TMCC2: variants seen among roughly 807,000 people sequenced by gnomAD.
TMCC2 encodes transmembrane and coiled-coil domains protein 2.
In TMCC2, 16 loss-of-function variants were observed where a neutral mutation model predicts 49.4. That is an observed-to-expected ratio of 0.32 (90% CI 0.22 to 0.49). TMCC2 has a LOEUF of 0.49. Ranked by LOEUF, TMCC2 falls within the 20% of genes least tolerant of loss-of-function variation. The probability of loss-of-function intolerance (pLI) is 0.99; values close to 1 mark genes in which losing one functional copy is unlikely to be tolerated. For missense variants in TMCC2, 762 were observed against 989.8 expected, an observed-to-expected ratio of 0.77 and a Z score of 3.09; for synonymous variants, 397 against 434.1, an observed-to-expected ratio of 0.91 and a Z score of 1.06.
chr1:205,269,963 T>G, intron 3 of TMCC2, 79 bp downstream of exon 3: 1 of 1,423,590 alleles, frequency 7.0e-7, no homozygotes, highest in Non-Finnish European at 9.6e-7. Context: ...AGACCCAGGG[T>G]GTGGAGGCAG....
intron 1 of TMCC2, chr1:205,236,377 T>G (rs972850360): frequency 6.6e-6 from 1 of 152,236 alleles, no homozygotes; most frequent in Non-Finnish European, 1.5e-5. Flanking sequence ...TTGGAGCATT[T>G]GAAATCTTTG....
intron 2 of TMCC2, chr1:205,246,814 C>A: frequency 9.6e-7 from 1 of 1,044,016 alleles, no homozygotes; most frequent in Non-Finnish European, 1.4e-6. Context: ...TTGCCTAGGG[C>A]TCCCATGAAG....
At chr1:205,237,982 C>T (rs994534877) in intron 1 of TMCC2, among the ~76,000 whole-genome samples, 4 of 152,276 alleles carry the variant, frequency 2.6e-5, no homozygotes, top group African/African-American at 7.2e-5. Context: ...TCATGAAAGC[C>T]CTGTTTGTTT....
chr1:205,230,080 T>G, intron 1 of TMCC2: 1 of 985,490 alleles, frequency 1.0e-6, no homozygotes, highest in Non-Finnish European at 1.2e-6. Context: ...CTATATCCTA[T>G]GGCAGCAGCC....
intron 2 of TMCC2, chr1:205,268,121 A>G: frequency 1.0e-6 from 1 of 976,292 alleles, no homozygotes; most frequent in East Asian, 1.1e-4. Context: ...CTGCGTTGTT[A>G]GTGAACATGG....
chr1:205,229,555 G>C (rs1233229716), intron 1 of TMCC2: 5 of 696,570 alleles, frequency 7.2e-6, no homozygotes, highest in Non-Finnish European at 8.6e-6. Context: ...CGGGGGGGGG[G>C]GGGTGGTGGC....
rs1661504625 is a variant in TMCC2 at position 205,269,732 on chromosome 1, T to C, written c.1530T>C (p.Tyr510=). Residue 510 remains tyrosine (Y), a synonymous_variant, in exon 3 of 5, where the codon TAT becomes TAC. Coordinates refer to ENST00000358024, the MANE Select transcript of TMCC2 (RefSeq NM_014858.4). ...GGAGCCCTAAGTCCAATGCACTGTA[T>C]GGTGCTCCTGGAAACCTGGATGCTC... The part of the protein sequence containing the change: ...ALGSPKSNAL[Y]GAPGNLDALL... The C allele has an allele frequency of 3.1e-6, 5 of 1,614,210 alleles. No homozygotes were observed. The highest frequency in any genetic ancestry group is 4.2e-6 in the Non-Finnish European group (5 of 1,180,032).
rs771022112 is a variant in TMCC2 at position 205,241,846 on chromosome 1, C to G, written c.549C>G (p.Thr183=). The G allele has an allele frequency of 1.2e-6, 2 of 1,600,648 alleles. No individual in the cohort carries two copies. Among genetic ancestry groups the G allele is most frequent in the African/African-American group, 1.3e-5 (1 of 74,638 alleles). Residue 183 remains threonine, a synonymous_variant, in exon 2 of 5, where the codon ACC becomes ACG. Transcript: ENST00000358024. The surrounding 1 kb of genome is among the most constrained non-coding windows in gnomAD (Gnocchi z 7.3). ...GGSSGSSSRR[T]KSSSLEPQRG... is the part of the protein sequence containing the mutation. ...GCAGCGGGAGCAGCAGCCGGCGCAC[C>G]AAGAGTAGCTCCCTGGAGCCCCAGC... is the stretch of plus-strand genomic sequence containing the variant.
rs1661460075 is a variant in TMCC2, at chr1:205,268,984, C to T, written c.782C>T (p.Pro261Leu). 1.2e-6 allele frequency: 2 copies of T among 1,612,918 alleles called. No homozygotes were observed. Among genetic ancestry groups the T allele is most frequent in the Admixed American group, 1.7e-5 (1 of 60,006 alleles). The change falls in exon 3 of 5, where the codon CCC becomes CTC. Residue 261 changes from proline to leucine, a missense_variant. Physicochemically the swap from Pro to Leu is moderately conservative, Grantham distance 98. Around this residue, in one of 2 missense-constraint regions of TMCC2, gnomAD observed 440 missense variants for 636.7 expected, o/e 0.69. Coordinates refer to ENST00000358024, the MANE Select transcript of TMCC2 (RefSeq NM_014858.4). The stretch of plus-strand genomic sequence containing the variant: ...GGAGACCTGGTGGCCCTGAGCCTCC[C>T]CGCCGGCCATGGTGACACCGACGGC... ...DKGDLVALSLPAGHGDTDGPI... is the reference protein window; with the variant it reads ...DKGDLVALSLLAGHGDTDGPI...
At chr1:205,246,962 C>T (rs984867577) in intron 2 of TMCC2, among the ~76,000 whole-genome samples, 1 of 151,950 alleles carries the variant, frequency 6.6e-6, no homozygotes, top group Non-Finnish European at 1.5e-5. Context: ...GGGGCTCTGC[C>T]ATGTGGCTCA....
At chr1:205,232,534 A>G (rs1444168075) in intron 1 of TMCC2, among the ~76,000 whole-genome samples, 1 of 152,184 alleles carries the variant, frequency 6.6e-6, no homozygotes, top group African/African-American at 2.4e-5. Flanking sequence ...GACCAAAAGT[A>G]CACCACAATT....
At chr1:205,259,946 G>A (rs371593135) in intron 2 of TMCC2, among the ~76,000 whole-genome samples, 2 of 152,144 alleles carry the variant, frequency 1.3e-5, no homozygotes, top group Admixed American at 1.3e-4. Flanking sequence ...TTGAGAGAAC[G>A]TCCCAGCTCT....
intron 1 of TMCC2, among the ~76,000 whole-genome samples, chr1:205,230,958 T>C (rs1278913050): frequency 5.9e-5 from 8 of 136,412 alleles, no homozygotes; most frequent in East Asian, 2.3e-4. Context: ...AAAAGGAGGC[T>C]TCCCCTTACC....
intron 1 of TMCC2, among the ~76,000 whole-genome samples, chr1:205,233,202 T>A (rs965222387): frequency 6.6e-6 from 1 of 152,104 alleles, no homozygotes. Context: ...CCATGGGCTT[T>A]CCCCCTGGAC....
intron 1 of TMCC2, among the ~76,000 whole-genome samples, chr1:205,237,964 C>T (rs1429110000): frequency 1.3e-5 from 2 of 152,230 alleles, no homozygotes; most frequent in African/African-American, 4.8e-5. Context: ...TTGCTTCGGT[C>T]TTACAGATCA....
Position 205,241,558 on chromosome 1 carries a change from G to A in TMCC2, c.261G>A (p.Leu87=). Residue 87 remains leucine, a synonymous_variant, in exon 2 of 5, where the codon CTG becomes CTA. Transcript: ENST00000358024. The surrounding 1 kb of genome is among the most constrained non-coding windows in gnomAD (Gnocchi z 7.3). The stretch of plus-strand genomic sequence containing the variant: ...TGTTTGGCCACGGTCTGAAGCACCT[G>A]TTCCACAGCCGCCGTCGGTCTCGGG... ...GSMFGHGLKH[L]FHSRRRSRER... 3 of 1,613,792 alleles carry A rather than the reference G, an allele frequency of 1.9e-6. No homozygotes were observed. The highest frequency in any genetic ancestry group is 2.5e-6 in the Non-Finnish European group (3 of 1,180,004).
At position 205,228,022 on chromosome 1, in the gene TMCC2, G is replaced by A. The variant is rs2102509012; in HGVS notation, c.-543G>A. Among the ~76,000 whole-genome samples the A allele has an allele frequency of 6.8e-6, 1 of 147,380 alleles. No individual in the cohort carries two copies. The highest frequency in any genetic ancestry group is 2.0e-4 in the East Asian group (1 of 5,120). On this transcript the variant is annotated 5_prime_UTR_variant, in exon 1 of 5. Coordinates refer to ENST00000358024, the MANE Select transcript of TMCC2 (RefSeq NM_014858.4). The stretch of plus-strand genomic sequence containing the variant: ...CGTCAGGCGGGGAGCGGGGCGCGCG[G>A]GCCGGGGAGGGGGCCGGGCGCGCTG...
intron 2 of TMCC2, among the ~76,000 whole-genome samples, chr1:205,268,671 C>A (rs374941048): frequency 7.8e-4 from 119 of 152,224 alleles, no homozygotes; most frequent in African/African-American, 2.7e-3. Flanking sequence ...CTGTCCCTTC[C>A]TGGCCGTGTG....
chr1:205,256,022 A>G (rs1234374626), intron 2 of TMCC2, among the ~76,000 whole-genome samples: 1 of 152,182 alleles, frequency 6.6e-6, no homozygotes, highest in African/African-American at 2.4e-5. Flanking sequence ...TATAGTTTCC[A>G]TGAGCCCAGG....
Sources: gnomAD v4.1 joint callset for allele counts (sites outside exome capture counted in the v4.1 genomes callset) on GRCh38, gnomAD v4.1.1 for gene constraint, gnomAD v4.1.1 regional missense constraint, Gnocchi (gnomAD v3.1) non-coding constraint, MANE v1.5 for transcripts, NCBI Gene and HGNC (gene_info 2026-07-23, HGNC 2026-07-21) for gene names.